The following DYSF variants were observed in gnomAD, a reference collection of about 807,000 sequenced individuals.
DYSF encodes dystrophy-associated fer-1-like 1.
In DYSF, 212 loss-of-function variants were observed where a neutral mutation model predicts 274.9. The observed-to-expected ratio is 0.77, with a 90% CI of 0.69 to 0.86. DYSF has a LOEUF of 0.86. DYSF is among the 40% of genes least tolerant of loss of function. DYSF has a pLI of 0.00. For synonymous variants in DYSF, 1,091 were observed against 1,078.7 expected, an observed-to-expected ratio of 1.01 and a Z score of -0.22; for missense variants, 2,666 against 2,783.2, an observed-to-expected ratio of 0.96 and a Z score of 0.95.
At chr2:71,481,160 TG>T (rs2082854301) in intron 2 of DYSF, among the ~76,000 whole-genome samples, 1 of 152,200 alleles carries the variant, frequency 6.6e-6, no homozygotes, top group Admixed American at 6.5e-5. Flanking sequence ...AGATATTTTT[TG>T]TTTCTGTTTC....
chr2:71,623,828 G>C (rs922298083), intron 41 of DYSF, among the ~76,000 whole-genome samples: 3 of 151,336 alleles, frequency 2.0e-5, no homozygotes, highest in Non-Finnish European at 2.9e-5. Flanking sequence ...CCAGCACTTT[G>C]GGAGGTCGAG....
intron 41 of DYSF, among the ~76,000 whole-genome samples, chr2:71,626,034 C>A (rs574812721): frequency 6.6e-6 from 1 of 152,094 alleles, no homozygotes; most frequent in East Asian, 1.9e-4. Context: ...ATTATACTGG[C>A]TTGAGAATTC....
At chr2:71,659,322 A>G (rs1366949897) in intron 44 of DYSF, among the ~76,000 whole-genome samples, 1 of 152,196 alleles carries the variant, frequency 6.6e-6, no homozygotes, top group Non-Finnish European at 1.5e-5. Flanking sequence ...GGAGAAGAAA[A>G]TAGTGTTTTA....
chr2:71,512,213 T>C (rs1207486834), intron 5 of DYSF, among the ~76,000 whole-genome samples: 3 of 152,134 alleles, frequency 2.0e-5, no homozygotes, highest in Non-Finnish European at 4.4e-5. Context: ...CCAGGCTGGG[T>C]GTTCTGAGCT....
intron 32 of DYSF, 59 bp from the exon 33 acceptor site, chr2:71,598,505 G>T (rs1422172276): frequency 1.9e-6 from 3 of 1,601,240 alleles, no homozygotes; most frequent in Non-Finnish European, 2.6e-6. Context: ...CTCTGGAGAA[G>T]ACATCTCTCA....
intron 3 of DYSF, among the ~76,000 whole-genome samples, chr2:71,489,215 T>G (rs949404823): frequency 6.6e-6 from 1 of 152,208 alleles, no homozygotes; most frequent in Non-Finnish European, 1.5e-5. Flanking sequence ...TGCTTCCTTC[T>G]GCTGCCCCCA....
Position 71,513,723 on chromosome 2 carries a change from A to G in DYSF, c.561A>G (p.Gly187=). 3.7e-6 allele frequency: 6 copies of G among 1,613,898 alleles called. No individual in the cohort carries two copies. The highest frequency in any genetic ancestry group is 4.2e-6 in the Non-Finnish European group (5 of 1,179,922). ...GKKWPAPTDT[G]GEEDTEDQGL... is the part of the protein sequence containing the mutation. ...AGGGCCCTCTCCTCTTAGACACAGG[A>G]GGAGAGGAAGACACAGAGGACCAGG... Residue 187 remains glycine, a synonymous_variant, in exon 7 of 56, where the codon GGA becomes GGG. Transcript: ENST00000410020.
intron 3 of DYSF, among the ~76,000 whole-genome samples, chr2:71,498,821 T>A (rs556379771): frequency 2.0e-5 from 3 of 152,328 alleles, no homozygotes; most frequent in Admixed American, 2.0e-4. Flanking sequence ...TCTTTCACTG[T>A]CATCATTCTC....
At chr2:71,595,716 T>C (rs2093386961) in intron 32 of DYSF, among the ~76,000 whole-genome samples, 1 of 152,312 alleles carries the variant, frequency 6.6e-6, no homozygotes, top group East Asian at 1.9e-4. Context: ...TGCTCATGGC[T>C]GGATCCTCCC....
intron 18 of DYSF, 30 bp downstream of exon 18, chr2:71,551,186 G>T: frequency 6.2e-7 from 1 of 1,606,386 alleles, no homozygotes; most frequent in Non-Finnish European, 8.5e-7. Context: ...GGCAAGGGCA[G>T]GATGCCAGAT....
intron 13 of DYSF, 75 bp downstream of exon 13, chr2:71,526,421 C>CTGGGGGGGTGGGGGG: frequency 3.7e-6 from 1 of 272,074 alleles, no homozygotes; most frequent in Non-Finnish European, 6.7e-6. Context: ...TGGGCGATGG[C>CTGGGGGGGTGGGGGG]GGGCGGGGTC....
intron 41 of DYSF, among the ~76,000 whole-genome samples, chr2:71,636,449 T>G (rs369961353): frequency 6.6e-6 from 1 of 151,920 alleles, no homozygotes; most frequent in African/African-American, 2.4e-5. Context: ...GACTGATGGA[T>G]TAAGTGCAGG....
At chr2:71,494,544 C>G (rs1318637377) in intron 3 of DYSF, among the ~76,000 whole-genome samples, 1 of 152,182 alleles carries the variant, frequency 6.6e-6, no homozygotes, top group Non-Finnish European at 1.5e-5. Flanking sequence ...TGGGTATGAG[C>G]TGATTTTCAT....
At chr2:71,644,691 A>C (rs188856705) in intron 42 of DYSF, among the ~76,000 whole-genome samples, 1 of 152,328 alleles carries the variant, frequency 6.6e-6, no homozygotes, top group East Asian at 1.9e-4. Context: ...ATACAAATAT[A>C]ATTATGCTTT....
In DYSF at chr2:71,549,511, C is replaced by G; in HGVS notation, c.1577-1530C>G. On this transcript the variant is annotated intron_variant, in intron 17 of 55. Coordinates refer to ENST00000410020, the MANE Select transcript of DYSF (RefSeq NM_001130987.2). ...GCCTGAGGTGGGATTGAGATTCCCC[C>G]ACAAAGGTAAGTCCCTGGACTTACC... is the stretch of plus-strand genomic sequence containing the variant. 3.1e-6 allele frequency: 3 copies of G among 982,006 alleles called. No homozygotes were observed. In the South Asian group the frequency reaches 4.2e-5, roughly 14 times the overall value. 60.8% of individuals were successfully genotyped at this position (982,006 alleles called of 1,614,324 possible). A position where few individuals can be genotyped will look rare whatever the true frequency, so the allele number is the denominator to read the frequency against.
intron 1 of DYSF, among the ~76,000 whole-genome samples, chr2:71,480,383 C>T (rs772062236): frequency 1.5e-4 from 23 of 151,148 alleles, no homozygotes; most frequent in Non-Finnish European, 2.7e-4. Flanking sequence ...CACACACACA[C>T]GCACACACAC....
intron 12 of DYSF, 50 bp from the exon 13 acceptor site, chr2:71,526,170 A>G: frequency 6.2e-7 from 1 of 1,614,000 alleles, no homozygotes; most frequent in Non-Finnish European, 8.5e-7. Flanking sequence ...GGAAAGTAAA[A>G]CCCTGTGCTC....
chr2:71,454,136 G>A (rs977537250), intron 1 of DYSF: 4 of 1,556,738 alleles, frequency 2.6e-6, no homozygotes, highest in Non-Finnish European at 3.5e-6. Context: ...GGTAGAGGAG[G>A]GGACGCCGCG....
intron 3 of DYSF, among the ~76,000 whole-genome samples, chr2:71,493,851 C>CAAAAAAAAAAAAAAAAA: frequency 1.4e-5 from 1 of 69,334 alleles, no homozygotes; most frequent in Non-Finnish European, 2.5e-5. Context: ...TACTCTGTCT[C>CAAAAAAAAAAAAAAAAA]AAAAAAAAAA....
Sources: gnomAD v4.1 joint callset for allele counts (sites outside exome capture counted in the v4.1 genomes callset) on GRCh38, gnomAD v4.1.1 for gene constraint, MANE v1.5 for transcripts, NCBI Gene and HGNC (gene_info 2026-07-23, HGNC 2026-07-21) for gene names.